Variants in BCO2 observed in about 807,000 individuals in gnomAD.
BCO2 encodes the protein carotenoid-cleaving dioxygenase, mitochondrial.
In BCO2, 56 loss-of-function variants were observed where a neutral mutation model predicts 65.8. That is an observed-to-expected ratio of 0.85 (90% CI 0.69 to 1.06). The LOEUF (loss-of-function observed/expected upper bound fraction) is 1.06, where lower values mean the gene tolerates loss of function less well. Ranked by LOEUF, BCO2 falls within the 50% of genes least tolerant of loss-of-function variation. The pLI, the probability that BCO2 is intolerant of heterozygous loss-of-function variation, is 0.00. For synonymous variants in BCO2, 233 were observed against 242.3 expected (o/e 0.96, Z 0.36); for missense variants, 675 against 698.5 (o/e 0.97, Z 0.38).
chr11:112,198,744 G>A lies in BCO2; in HGVS notation c.737-955G>A, dbSNP rs982561077. Among the ~76,000 whole-genome samples the A allele has an allele frequency of 2.6e-4, 40 of 152,114 alleles. 1 individual carries two copies. The highest frequency in any genetic ancestry group is 2.2e-3 in the Admixed American group (34 of 15,274). On this transcript the variant is annotated intron_variant, in intron 5 of 11. Transcript: ENST00000357685. ...TGGAACCCAGAGTGACCCTAGCTAGGGGTCCAGAGGGCTGGAGGGAAGGAG... is the reference window on the plus strand; with the variant it reads ...TGGAACCCAGAGTGACCCTAGCTAGAGGTCCAGAGGGCTGGAGGGAAGGAG...
At chr11:112,210,901 A>G (rs1859490546) in intron 8 of BCO2, among the ~76,000 whole-genome samples, 1 of 152,178 alleles carries the variant, frequency 6.6e-6, no homozygotes. Context: ...TGACGAATAT[A>G]TGGGAAATCT....
chr11:112,213,131 C>CTTT lies in BCO2; in HGVS notation c.1195-566_1195-564dup, dbSNP rs35527541. Among the ~76,000 whole-genome samples, 200 of 63,106 alleles carry CTTT rather than the reference C, an allele frequency of 3.2e-3. 29 individuals carry two copies. Among genetic ancestry groups the CTTT allele is most frequent in the Non-Finnish European group, 3.4e-3 (130 of 38,724 alleles). The allele number at this position is 63,106 out of a possible 152,430, so 41.4% of individuals were successfully genotyped here. ...TGTTTATTTGATGCTAATTAAATAA[C>CTTT]TTTTTTTTTTTTTTTTTTTTTTTTT... On this transcript the variant is annotated intron_variant, in intron 8 of 11. Coordinates refer to ENST00000357685, the MANE Select transcript of BCO2 (RefSeq NM_031938.7).
Position 112,217,742 on chromosome 11 carries a change from AT to A in BCO2, c.1627-17del. On this transcript the variant is annotated intron_variant, in intron 11 of 11. Transcript: ENST00000357685. ...TGATGAAAAAAAGATAATTTTCAATATTGTCTTTTCTTTTCTAGAATGAAAG... is the reference window on the plus strand; with the variant it reads ...TGATGAAAAAAAGATAATTTTCAATATGTCTTTTCTTTTCTAGAATGAAAG... 6.4e-7 allele frequency: 1 copy of A among 1,554,228 alleles called. No homozygotes were observed. The highest frequency in any genetic ancestry group is 1.4e-5 in the African/African-American group (1 of 73,136).
chr11:112,193,122 C>T (rs994975818), intron 2 of BCO2, among the ~76,000 whole-genome samples: 6 of 151,370 alleles, frequency 4.0e-5, no homozygotes, highest in South Asian at 2.1e-4. Flanking sequence ...GGACTACAGG[C>T]GCATGCCACC....
At chr11:112,209,852 G>C (rs780854055) in intron 8 of BCO2, among the ~76,000 whole-genome samples, 4 of 152,068 alleles carry the variant, frequency 2.6e-5, no homozygotes, top group Non-Finnish European at 5.9e-5. Context: ...TGCAGGATTT[G>C]CTTTGTTACT....
chr11:112,215,160 G>A, intron 10 of BCO2: 1 of 546,190 alleles, frequency 1.8e-6, no homozygotes. Flanking sequence ...TTCTATGTTT[G>A]ATTTTGATGT....
chr11:112,192,601 A>G (rs932575862), intron 2 of BCO2, among the ~76,000 whole-genome samples: 4 of 151,960 alleles, frequency 2.6e-5, no homozygotes, highest in African/African-American at 9.7e-5. Flanking sequence ...TGTAAAGTAA[A>G]TGGAAACTTT....
At chr11:112,180,950 GA>G (rs1421881804) in intron 2 of BCO2, 58 of 1,137,560 alleles carry the variant, frequency 5.1e-5, no homozygotes, top group Admixed American at 6.7e-5. Flanking sequence ...CAGGGATGAT[GA>G]TGTTTTGTTT....
chr11:112,176,519 G>GGGGA (rs1555193542), intron 1 of BCO2: 4 of 130,988 alleles, frequency 3.1e-5, no homozygotes, highest in South Asian at 2.5e-4. Context: ...TTGATTGGCG[G>GGGGA]GGGGGGGGGA....
chr11:112,179,429 C>T lies in BCO2; in HGVS notation c.240C>T (p.Leu80=). The T allele has an allele frequency of 6.2e-7, 1 of 1,614,086 alleles. No homozygotes were observed. Among genetic ancestry groups the T allele is most frequent in the African/African-American group, 1.3e-5 (1 of 75,020 alleles). The change falls in exon 2 of 12, where the codon CTC becomes CTT. Residue 80 remains leucine (L), a synonymous_variant. Coordinates refer to ENST00000357685, the MANE Select transcript of BCO2 (RefSeq NM_031938.7). ...ARVWGHFPKW[L]NGSLLRIGPG... ...TCTGGGGACATTTTCCTAAGTGGCTCAATGGCTCTCTACTTCGAATTGGAC... is the reference window on the plus strand; with the variant it reads ...TCTGGGGACATTTTCCTAAGTGGCTTAATGGCTCTCTACTTCGAATTGGAC...
At chr11:112,188,142 T>C (rs552463850) in intron 2 of BCO2, among the ~76,000 whole-genome samples, 23 of 152,306 alleles carry the variant, frequency 1.5e-4, no homozygotes, top group Admixed American at 5.9e-4. Context: ...CTACAAATAG[T>C]TCAGACTCTC....
At position 112,214,947 on chromosome 11, in the gene BCO2, G is replaced by A; in HGVS notation, c.1515+3G>A. 1 of 1,614,014 alleles carries A rather than the reference G, an allele frequency of 6.2e-7. No individual in the cohort carries two copies. Among genetic ancestry groups the A allele is most frequent in the Non-Finnish European group, 8.5e-7 (1 of 1,179,902 alleles). On this transcript the variant is annotated splice_donor_region_variant and intron_variant, in intron 10 of 11. Coordinates refer to ENST00000357685, the MANE Select transcript of BCO2 (RefSeq NM_031938.7). ...ATGTGGTGAATAAGACACTGAAGGTGATGAAAAACTCTTTCCTTTTTGAAC... is the reference window on the plus strand; with the variant it reads ...ATGTGGTGAATAAGACACTGAAGGTAATGAAAAACTCTTTCCTTTTTGAAC...
chr11:112,181,092 T>C lies in BCO2; in HGVS notation c.293+1610T>C, dbSNP rs1156641845. ...TACTTTACAACTACACGGAGCACTT[T>C]AGTGAATAAAGAACCTGACAGTATG... is the stretch of plus-strand genomic sequence containing the variant. On this transcript the variant is annotated intron_variant, in intron 2 of 11. Transcript: ENST00000357685. 1.5e-5 allele frequency: 22 copies of C among 1,502,906 alleles called. No individual in the cohort carries two copies. In the African/African-American group the frequency reaches 2.2e-4, roughly 15 times the overall value. The allele number at this position is 1,502,906 out of a possible 1,614,324, so 93.1% of individuals were successfully genotyped here. A position where few individuals can be genotyped will look rare whatever the true frequency, so the allele number is the denominator to read the frequency against.
Position 112,179,405 on chromosome 11 carries a change from C to A in BCO2, c.216C>A (p.Val72=), listed in dbSNP as rs759520557. ...CTCCACGGGGCATCTCTGCTCGAGT[C>A]TGGGGACATTTTCCTAAGTGGCTCA... ...EEAPRGISAR[V]WGHFPKWLNG... Residue 72 remains valine (V), a synonymous_variant, in exon 2 of 12, where the codon GTC becomes GTA. Coordinates refer to ENST00000357685, the MANE Select transcript of BCO2 (RefSeq NM_031938.7). 1.9e-6 allele frequency: 3 copies of A among 1,614,172 alleles called. No individual in the cohort carries two copies. The highest frequency in any genetic ancestry group is 1.1e-5 in the South Asian group (1 of 91,080).
intron 8 of BCO2, among the ~76,000 whole-genome samples, chr11:112,203,618 T>A (rs1404118123): frequency 6.6e-6 from 1 of 152,240 alleles, no homozygotes; most frequent in Non-Finnish European, 1.5e-5. Flanking sequence ...TAAAATCTAC[T>A]TGTTTAACAA....
intron 8 of BCO2, among the ~76,000 whole-genome samples, chr11:112,203,442 C>G (rs1867785663): frequency 6.6e-6 from 1 of 152,012 alleles, no homozygotes; most frequent in African/African-American, 2.4e-5. Context: ...ATCCATTTAT[C>G]AGGTTTTGTT....
chr11:112,197,983 A>T (rs1867627706), intron 5 of BCO2, among the ~76,000 whole-genome samples: 2 of 152,178 alleles, frequency 1.3e-5, no homozygotes, highest in South Asian at 4.1e-4. Context: ...CTCAGACATG[A>T]CCCACTTAGT....
rs895685032 is a variant in BCO2 at position 112,218,388 on chromosome 11, G to C, written c.*514G>C. The C allele has an allele frequency of 1.8e-5, 3 of 164,450 alleles. No homozygotes were observed. The highest frequency in any genetic ancestry group is 7.2e-5 in the African/African-American group (3 of 41,944). The allele number at this position is 164,450 out of a possible 1,614,324, so 10.2% of individuals were successfully genotyped here. ...CCATTAACACTACTTTATAAGAGGTGCGGAAGACTGCCCTCACTCATCATG... is the reference window on the plus strand; with the variant it reads ...CCATTAACACTACTTTATAAGAGGTCCGGAAGACTGCCCTCACTCATCATG... On this transcript the variant is annotated 3_prime_UTR_variant, in exon 12 of 12. Coordinates refer to ENST00000357685, the MANE Select transcript of BCO2 (RefSeq NM_031938.7).
chr11:112,178,476 AT>A (rs1156628670), intron 1 of BCO2, among the ~76,000 whole-genome samples: 2 of 152,176 alleles, frequency 1.3e-5, no homozygotes, highest in Non-Finnish European at 2.9e-5. Flanking sequence ...TCTAGCCTAG[AT>A]TTCTGAATCA....
Sources: gnomAD v4.1 joint callset for allele counts (sites outside exome capture counted in the v4.1 genomes callset) on GRCh38, gnomAD v4.1.1 for gene constraint, MANE v1.5 for transcripts, NCBI Gene and HGNC (gene_info 2026-07-23, HGNC 2026-07-21) for gene names.